MAP3K15: variants seen among roughly 807,000 people sequenced by gnomAD.
MAP3K15 encodes MAPK/ERK kinase kinase 15.
A neutral mutation model predicts 99.5 loss-of-function variants in MAP3K15; 124 were observed. The ratio of observed to expected loss-of-function variants is 1.25; its 90% CI spans 1.08 to 1.45. MAP3K15 has a LOEUF of 1.45. Ranked by LOEUF, MAP3K15 falls within the 40% of genes most tolerant of loss-of-function variation. The pLI is 0.00. For synonymous variants in MAP3K15, 494 were observed against 439.6 expected (o/e 1.12, Z -1.55); for missense variants, 1,242 against 1,079.7 (o/e 1.15, Z -2.11).
chrX:19,455,219 G>T (rs775208333), intron 6 of MAP3K15, among the ~76,000 whole-genome samples: 1 of 111,350 alleles, frequency 9.0e-6, no homozygotes, highest in South Asian at 3.8e-4. Flanking sequence ...AAAGAGAAAG[G>T]TGGCTATCTG....
chrX:19,512,204 A>G (rs185717261), intron 1 of MAP3K15, among the ~76,000 whole-genome samples: 10 of 111,520 alleles, frequency 9.0e-5, no homozygotes, highest in African/African-American at 3.3e-4. Context: ...GCATTAGGAC[A>G]AATACCTAAT....
At chrX:19,446,422 CTCTCTT>C (rs2063998861) in intron 6 of MAP3K15, among the ~76,000 whole-genome samples, 1 of 111,987 alleles carries the variant, frequency 8.9e-6, no homozygotes, top group African/African-American at 3.2e-5. Flanking sequence ...CTCTCTCTCT[CTCTCTT>C]TAAAAAAGAT....
At chrX:19,463,763 G>A (rs1326386479) in intron 4 of MAP3K15, among the ~76,000 whole-genome samples, 2 of 111,232 alleles carry the variant, frequency 1.8e-5, no homozygotes, top group African/African-American at 3.3e-5. Context: ...CTCAACGCAC[G>A]AAGGCTTTTA....
intron 17 of MAP3K15, 100 bp downstream of exon 17, chrX:19,392,243 T>A (rs1479299775): frequency 4.7e-6 from 5 of 1,060,694 alleles, no homozygotes; most frequent in Non-Finnish European, 5.1e-6. Context: ...TTGTGCTAAA[T>A]CATACCCCTC....
intron 3 of MAP3K15, among the ~76,000 whole-genome samples, chrX:19,481,115 CAA>C (rs60578003): frequency 9.0e-5 from 5 of 55,277 alleles, no homozygotes; most frequent in Non-Finnish European, 1.1e-4. Context: ...GAACTTGTCT[CAA>C]AAAAAAAAAA....
intron 5 of MAP3K15, 46 bp downstream of exon 5, chrX:19,459,939 A>G: frequency 1.9e-6 from 2 of 1,032,712 alleles, no homozygotes; most frequent in South Asian, 5.1e-5. Context: ...CCTCAAGCCA[A>G]GGAAGAACGT....
At chrX:19,505,322 G>A (rs1442637772) in intron 1 of MAP3K15, among the ~76,000 whole-genome samples, 2 of 111,739 alleles carry the variant, frequency 1.8e-5, no homozygotes, top group Non-Finnish European at 3.8e-5. Context: ...TACCCCAGGA[G>A]ATAATTTTCT....
chrX:19,374,106 G>A (rs975214181), intron 20 of MAP3K15, among the ~76,000 whole-genome samples: 6 of 111,118 alleles, frequency 5.4e-5, no homozygotes, highest in Non-Finnish European at 7.6e-5. Flanking sequence ...GTTGGCACAC[G>A]ATGACAAGCC....
chrX:19,360,606 T>C lies in MAP3K15; in HGVS notation c.*143A>G. 2.1e-6 allele frequency: 1 copy of C among 473,376 alleles called. No individual in the cohort carries two copies. The highest frequency in any genetic ancestry group is 3.6e-6 in the Non-Finnish European group (1 of 277,086). 39.0% of individuals were successfully genotyped at this position (473,376 alleles called of 1,213,427 possible). ...GTTTCAAAAGAAACTCAGGACAGTA[T>C]TTAAAACAAGTTCTTAAACTATTAA... On this transcript the variant is annotated 3_prime_UTR_variant, in exon 29 of 29. Coordinates refer to ENST00000338883, the MANE Select transcript of MAP3K15 (RefSeq NM_001001671.4).
At chrX:19,506,569 G>A (rs1277403972) in intron 1 of MAP3K15, among the ~76,000 whole-genome samples, 1 of 111,076 alleles carries the variant, frequency 9.0e-6, no homozygotes, top group African/African-American at 3.3e-5. Flanking sequence ...CGCCCAGGCT[G>A]GAGTGCAGTA....
chrX:19,391,860 G>T (rs2063530271), intron 18 of MAP3K15, 142 bp downstream of exon 18: 1 of 427,734 alleles, frequency 2.3e-6, no homozygotes, highest in Non-Finnish European at 4.1e-6. Flanking sequence ...TGAAGTTGGG[G>T]ACAATCCACT....
At chrX:19,399,550 G>A (rs1184604858) in intron 14 of MAP3K15, among the ~76,000 whole-genome samples, 1 of 101,882 alleles carries the variant, frequency 9.8e-6, no homozygotes. Context: ...GGTAACAGAG[G>A]AAGACTCCAT....
intron 9 of MAP3K15, among the ~76,000 whole-genome samples, chrX:19,418,993 C>G (rs1483660692): frequency 9.9e-5 from 11 of 111,403 alleles, no homozygotes; most frequent in East Asian, 2.8e-4. Context: ...AATGCTGAGA[C>G]ATTTTCTCAC....
At chrX:19,380,405 G>A in intron 18 of MAP3K15, 128 bp from the exon 19 acceptor site, 1 of 645,648 alleles carries the variant, frequency 1.5e-6, no homozygotes, top group Non-Finnish European at 2.3e-6. Context: ...AGACCAGCCT[G>A]GACAATGTAA....
Position 19,409,922 on chromosome X carries a change from A to T in MAP3K15, c.1748+2T>A, listed in dbSNP as rs754223346. 6 of 1,190,072 alleles carry T rather than the reference A, an allele frequency of 5.0e-6. No homozygotes were observed. Among genetic ancestry groups the T allele is most frequent in the African/African-American group, 3.5e-5 (2 of 56,964 alleles). On this transcript the variant is annotated splice_donor_variant, in intron 12 of 28. Transcript: ENST00000338883. LOFTEE classifies it high-confidence loss of function. The stretch of plus-strand genomic sequence containing the variant: ...TAACTCCATTTTCTCCTATGTTCTT[A>T]CCTTATTCCCTTTATGGAAGAGGCT...
At position 19,415,633 on chromosome X, in the gene MAP3K15, T is replaced by C. The variant is rs773643913; in HGVS notation, c.1440-376A>G. Among the ~76,000 whole-genome samples the C allele has an allele frequency of 2.7e-5, 3 of 111,697 alleles. No homozygotes were observed. In the South Asian group the frequency reaches 1.1e-3, roughly 42 times the overall value. ...CAGCTCCACTTATACATGGATTTTT[T>C]TTCCCAATAGATACATTGGAAAATG... On this transcript the variant is annotated intron_variant, in intron 9 of 28. Coordinates refer to ENST00000338883, the MANE Select transcript of MAP3K15 (RefSeq NM_001001671.4).
At chrX:19,458,441 G>T (rs1035255409) in intron 5 of MAP3K15, among the ~76,000 whole-genome samples, 2 of 112,167 alleles carry the variant, frequency 1.8e-5, no homozygotes, top group Non-Finnish European at 3.8e-5. Flanking sequence ...CACTCTGGGA[G>T]GCCAAGGCAG....
chrX:19,361,638 C>T, intron 26 of MAP3K15, 45 bp from the exon 27 acceptor site: 4 of 938,626 alleles, frequency 4.3e-6, no homozygotes, highest in Non-Finnish European at 6.0e-6. Context: ...AACCATAAAA[C>T]TCTTCAAAAG....
In MAP3K15 at chrX:19,490,180, C is replaced by CACATAT. The variant is rs1555966358; in HGVS notation, c.362-1214_362-1213insATATGT. Among the ~76,000 whole-genome samples, 174 of 95,103 alleles carry CACATAT rather than the reference C, an allele frequency of 1.8e-3. 1 individual carries two copies. Among genetic ancestry groups the CACATAT allele is most frequent in the African/African-American group, 6.1e-3 (166 of 27,080 alleles). The allele number at this position is 95,103 out of a possible 115,157, so 82.6% of individuals were successfully genotyped here. The stretch of plus-strand genomic sequence containing the variant: ...ACACACACACACACACACACACACA[C>CACATAT]ACACATACATACAAAAATTCCTTAA... On this transcript the variant is annotated intron_variant, in intron 1 of 28. Coordinates refer to ENST00000338883, the MANE Select transcript of MAP3K15 (RefSeq NM_001001671.4).
Sources: gnomAD v4.1 joint callset for allele counts (sites outside exome capture counted in the v4.1 genomes callset) on GRCh38, gnomAD v4.1.1 for gene constraint, MANE v1.5 for transcripts, NCBI Gene and HGNC (gene_info 2026-07-23, HGNC 2026-07-21) for gene names.